NEB: variants seen among roughly 807,000 people sequenced by gnomAD.
The protein encoded by NEB is nebulin.
Under a neutral mutation model 952.2 loss-of-function variants are expected in NEB, and 512 were observed. The ratio of observed to expected loss-of-function variants is 0.54; its 90% CI spans 0.50 to 0.58. The LOEUF (loss-of-function observed/expected upper bound fraction) is 0.58, where lower values mean the gene tolerates loss of function less well. NEB is among the 20% of genes least tolerant of loss of function. NEB has a pLI of 0.00. For missense variants in NEB, 8,428 were observed against 9,231.1 expected, an observed-to-expected ratio of 0.91 and a Z score of 3.56; for synonymous variants, 2,900 against 3,149.8, an observed-to-expected ratio of 0.92 and a Z score of 2.66.
chr2:151,528,198 A>T (rs1576357411), intron 146 of NEB, among the ~76,000 whole-genome samples: 3 of 152,146 alleles, frequency 2.0e-5, no homozygotes, highest in East Asian at 3.9e-4. Flanking sequence ...GGGCTGGAGA[A>T]CTGGCTGCAT....
chr2:151,665,539 T>C lies in NEB; in HGVS notation c.5032A>G (p.Asn1678Asp). The change falls in exon 42 of 182, where the codon AAT becomes GAT. Residue 1678 changes from asparagine to aspartate, a missense_variant and splice_region_variant. Asn to Asp is a conservative substitution (Grantham distance 23). Transcript: ENST00000397345. ...SRNAMQIQSD[N>D]LYKSDFTNWM... ...TTGGTGAAGTCAGATTTGTACAGAT[T>C]CTTTACAATGAGAAAAAAAATTTCA... The C allele has an allele frequency of 5.7e-6, 9 of 1,577,926 alleles. No individual in the cohort carries two copies. The highest frequency in any genetic ancestry group is 7.8e-6 in the Non-Finnish European group (9 of 1,159,850).
chr2:151,529,499 G>A (rs994989759), intron 145 of NEB, among the ~76,000 whole-genome samples, 185 bp from the exon 146 acceptor site: 1 of 151,976 alleles, frequency 6.6e-6, no homozygotes, highest in African/African-American at 2.4e-5. Context: ...CTCAGATCAG[G>A]GCACACTGAC....
chr2:151,688,994 AC>A (rs1308731628), intron 24 of NEB, among the ~76,000 whole-genome samples: 1 of 151,992 alleles, frequency 6.6e-6, no homozygotes, highest in African/African-American at 2.4e-5. Flanking sequence ...GGAAAGCAAA[AC>A]CGTGGATAAG....
At chr2:151,610,175 G>T in intron 80 of NEB, 55 bp from the exon 81 acceptor site, 2 of 1,417,400 alleles carry the variant, frequency 1.4e-6, no homozygotes, top group Non-Finnish European at 1.9e-6. Flanking sequence ...ATGCTCATGT[G>T]CTGACAATTA....
chr2:151,553,601 G>T, intron 126 of NEB, 99 bp from the exon 127 acceptor site: 3 of 941,162 alleles, frequency 3.2e-6, no homozygotes, highest in Non-Finnish European at 4.9e-6. Flanking sequence ...AGGCTTTGTG[G>T]AATGAGGAGC....
intron 17 of NEB, among the ~76,000 whole-genome samples, chr2:151,696,100 A>G (rs1249544082): frequency 2.0e-5 from 3 of 152,084 alleles, no homozygotes; most frequent in East Asian, 3.8e-4. Flanking sequence ...TCATCTATTG[A>G]GGTCACTTTT....
rs755800924 is a variant in NEB at position 151,554,042 on chromosome 2, A to G, written c.19429-17T>C. 1.9e-6 allele frequency: 3 copies of G among 1,611,690 alleles called. No homozygotes were observed. Among genetic ancestry groups the G allele is most frequent in the African/African-American group, 1.3e-5 (1 of 74,896 alleles). On this transcript the variant is annotated splice_polypyrimidine_tract_variant and intron_variant, in intron 125 of 181. Transcript: ENST00000397345. ...GTACAGGCGCTGTAAAGTTAAAATC[A>G]CATGCCAGTTATACAGGAAATTGTG...
chr2:151,490,289 T>G, intron 180 of NEB, 83 bp downstream of exon 180: 1 of 1,490,608 alleles, frequency 6.7e-7, no homozygotes, highest in South Asian at 1.3e-5. Context: ...TTAAATTTGT[T>G]TTTGTACTCA....
intron 146 of NEB, among the ~76,000 whole-genome samples, chr2:151,529,005 C>T (rs1366009409): frequency 4.6e-5 from 7 of 152,228 alleles, no homozygotes; most frequent in Admixed American, 4.6e-4. Flanking sequence ...TGGGATGAAG[C>T]TTCCTTTGCT....
intron 64 of NEB, among the ~76,000 whole-genome samples, chr2:151,635,789 C>CA (rs1414086376): frequency 1.3e-5 from 2 of 151,660 alleles, no homozygotes; most frequent in Non-Finnish European, 2.9e-5. Context: ...TTCATAAGGG[C>CA]AAATTTCAAT....
Position 151,546,224 on chromosome 2 carries a change from G to A in NEB, c.20466+121C>T. Reference sequence around the variant, plus strand: ...TGATAATCTGCTCAAGTGAGTTAATGATAAATTTCCCCTTAAAAGTAGCTG... The same window carrying A: ...TGATAATCTGCTCAAGTGAGTTAATAATAAATTTCCCCTTAAAAGTAGCTG... On this transcript the variant is annotated intron_variant, in intron 134 of 181. Coordinates refer to ENST00000397345, the MANE Select transcript of NEB (RefSeq NM_001164508.2). 3 of 806,052 alleles carry A rather than the reference G, an allele frequency of 3.7e-6. No individual in the cohort carries two copies. The African/African-American group carries it at 5.1e-5, about 14-fold the overall frequency. 49.9% of individuals were successfully genotyped at this position (806,052 alleles called of 1,614,324 possible). A position where few individuals can be genotyped will look rare whatever the true frequency, so the allele number is the denominator to read the frequency against.
intron 4 of NEB, among the ~76,000 whole-genome samples, chr2:151,729,089 G>A (rs997822911): frequency 3.9e-5 from 6 of 151,994 alleles, no homozygotes; most frequent in African/African-American, 4.8e-5. Context: ...GAGCTTGAAC[G>A]TGGAATATTT....
chr2:151,659,600 C>T (rs2099124408), intron 46 of NEB, among the ~76,000 whole-genome samples: 1 of 151,948 alleles, frequency 6.6e-6, no homozygotes, highest in African/African-American at 2.4e-5. Context: ...TGCACCTGGC[C>T]CAAAAAAATT....
At position 151,563,915 on chromosome 2, in the gene NEB, C is replaced by A. The variant is rs1467415684; in HGVS notation, c.18487G>T (p.Ala6163Ser). ...KLYSTILYKG[A>S]WEGTKAYGYT... ...CCATAGGCCTTGGTGCCCTCCCACGCCCCTTTATACAGTATCTAGAACAAA... is the reference window on the plus strand; with the variant it reads ...CCATAGGCCTTGGTGCCCTCCCACGACCCTTTATACAGTATCTAGAACAAA... Residue 6163 changes from alanine (A) to serine (S), a missense_variant, in exon 118 of 182, where the codon GCG becomes TCG. Ala to Ser is a moderately conservative substitution (Grantham distance 99). Coordinates refer to ENST00000397345, the MANE Select transcript of NEB (RefSeq NM_001164508.2). The A allele has an allele frequency of 6.2e-7, 1 of 1,608,038 alleles. No homozygotes were observed. Among genetic ancestry groups the A allele is most frequent in the Middle Eastern group, 1.7e-4 (1 of 6,046 alleles).
chr2:151,560,075 G>A (rs1240292435), intron 124 of NEB, among the ~76,000 whole-genome samples: 2 of 152,080 alleles, frequency 1.3e-5, no homozygotes, highest in Non-Finnish European at 2.9e-5. Context: ...ATGAGATTTA[G>A]GGTTTGTTTG....
At chr2:151,532,020 G>A in intron 143 of NEB, 124 bp from the exon 144 acceptor site, 1 of 625,594 alleles carries the variant, frequency 1.6e-6, no homozygotes, top group Non-Finnish European at 2.8e-6. Flanking sequence ...TTCCTAACTG[G>A]AAATGTTTAC....
chr2:151,672,571 G>C lies in NEB; in HGVS notation c.4097C>G (p.Ser1366Cys). ...VHYMNVAKLQSDREYKKNYEN... is the reference protein window; with the variant it reads ...VHYMNVAKLQCDREYKKNYEN... The stretch of plus-strand genomic sequence containing the variant: ...ATAGTTCTTCTTGTATTCACGATCA[G>C]ACTGCAGCTTTGCCACATTCATATA... The change falls in exon 37 of 182, where the codon TCT becomes TGT. Residue 1366 changes from serine to cysteine, a missense_variant. Ser to Cys is a moderately radical substitution (Grantham distance 112). Transcript: ENST00000397345. 6.2e-7 allele frequency: 1 copy of C among 1,613,996 alleles called. No individual in the cohort carries two copies. The highest frequency in any genetic ancestry group is 8.5e-7 in the Non-Finnish European group (1 of 1,179,894).
chr2:151,677,752 T>C lies in NEB; in HGVS notation c.3587A>G (p.Tyr1196Cys). 1 of 1,614,046 alleles carries C rather than the reference T, an allele frequency of 6.2e-7. No individual in the cohort carries two copies. Among genetic ancestry groups the C allele is most frequent in the South Asian group, 1.1e-5 (1 of 91,080 alleles). ...GCCAATGCCTTTCATCCAGTTGTTGTAGTCTTCCTTGTAGACGTTCTACAG... is the reference window on the plus strand; with the variant it reads ...GCCAATGCCTTTCATCCAGTTGTTGCAGTCTTCCTTGTAGACGTTCTACAG... ...IQSDNVYKED[Y>C]NNWMKGIGWI... The change falls in exon 34 of 182, where the codon TAC (tyrosine) becomes TGC (cysteine). Residue 1196 changes from tyrosine (Y) to cysteine (C), a missense_variant. Coordinates refer to ENST00000397345, the MANE Select transcript of NEB (RefSeq NM_001164508.2).
intron 153 of NEB, among the ~76,000 whole-genome samples, chr2:151,523,857 A>C (rs1218019817): frequency 6.6e-6 from 1 of 151,748 alleles, no homozygotes; most frequent in African/African-American, 2.4e-5. Flanking sequence ...CCTACTTCCT[A>C]GCCCGGGCAG....
Sources: allele counts gnomAD v4.1 joint callset (sites outside exome capture counted in the v4.1 genomes callset), GRCh38; gene constraint gnomAD v4.1.1; transcripts MANE v1.5; gene names NCBI Gene and HGNC (gene_info 2026-07-23, HGNC 2026-07-21).